ADAMTSL1: variants seen among roughly 807,000 people sequenced by gnomAD.
The protein encoded by ADAMTSL1 is ADAMTS like 1, also known as ADAMTS-like protein 1.
ADAMTSL1 carries 126 observed loss-of-function variants against 201.8 expected under a neutral mutation model. The ratio of observed to expected loss-of-function variants is 0.62; its 90% CI spans 0.54 to 0.72. The LOEUF (loss-of-function observed/expected upper bound fraction) is 0.72, where lower values mean the gene tolerates loss of function less well. Ranked by LOEUF, ADAMTSL1 falls within the 30% of genes least tolerant of loss-of-function variation. The pLI, the probability that ADAMTSL1 is intolerant of heterozygous loss-of-function variation, is 0.00. For missense variants in ADAMTSL1, 2,679 were observed against 2,277.8 expected (o/e 1.18, Z -3.59); for synonymous variants, 1,121 against 903.4 (o/e 1.24, Z -4.32).
chr9:18,736,040 T>C (rs1818485161), intron 15 of ADAMTSL1, among the ~76,000 whole-genome samples: 1 of 152,082 alleles, frequency 6.6e-6, no homozygotes, highest in Non-Finnish European at 1.5e-5. Context: ...GTTTTAAATA[T>C]CATCATGCTG....
chr9:18,513,653 T>C (rs1818176671), intron 2 of ADAMTSL1, among the ~76,000 whole-genome samples: 2 of 152,224 alleles, frequency 1.3e-5, no homozygotes, highest in African/African-American at 2.4e-5. Context: ...ATAGTCCATT[T>C]TGAGTTAATT....
rs140554083 is a variant in ADAMTSL1, at chr9:18,120,663, A to G, written c.88-43199A>G. On this transcript the variant is annotated intron_variant, in intron 1 of 29. Coordinates refer to the ADAMTSL1 transcript ENST00000680146. ...TCATGTGTGTACACACACACAAAAA[A>G]ACACATATAAGAAATGCAGAAATTA... Among the ~76,000 whole-genome samples, 389 of 152,354 alleles carry G rather than the reference A, an allele frequency of 2.6e-3. 2 individuals are homozygous for G. The highest frequency in any genetic ancestry group is 8.8e-3 in the African/African-American group (366 of 41,594).
chr9:17,998,670 G>C (rs1326302670), intron 1 of ADAMTSL1, among the ~76,000 whole-genome samples: 1 of 151,862 alleles, frequency 6.6e-6, no homozygotes, highest in Admixed American at 6.6e-5. Flanking sequence ...AGTAATGAGG[G>C]GGAAAGTCTT....
At chr9:18,209,576 T>G (rs1164932741) in intron 2 of ADAMTSL1, among the ~76,000 whole-genome samples, 7 of 152,200 alleles carry the variant, frequency 4.6e-5, no homozygotes, top group African/African-American at 2.4e-5. Flanking sequence ...TGACTCTAAG[T>G]AAACCACCTG....
intron 2 of ADAMTSL1, among the ~76,000 whole-genome samples, chr9:18,441,190 T>TA (rs2133453537): frequency 7.2e-6 from 1 of 139,198 alleles, no homozygotes; most frequent in Non-Finnish European, 1.7e-5. Context: ...GGGGTTTCTT[T>TA]TGGGGGTAAT....
At chr9:17,908,625 T>G (rs996298094) in intron 1 of ADAMTSL1, among the ~76,000 whole-genome samples, 4 of 151,982 alleles carry the variant, frequency 2.6e-5, no homozygotes, top group Non-Finnish European at 2.9e-5. Flanking sequence ...CCTGGCTAAT[T>G]TTTTGTATTT....
Position 18,693,683 on chromosome 9 carries a change from C to T in ADAMTSL1, c.1574+8883C>T, listed in dbSNP as rs1587915417. Among the ~76,000 whole-genome samples, 3 of 152,170 alleles carry T rather than the reference C, an allele frequency of 2.0e-5. No individual in the cohort carries two copies. In the South Asian group the frequency reaches 6.2e-4, roughly 32 times the overall value. On this transcript the variant is annotated intron_variant, in intron 13 of 28. Coordinates refer to ENST00000380548, the MANE Select transcript of ADAMTSL1 (RefSeq NM_001040272.6). ...ACTCTTATCCTTCTGTTTATCAATC[C>T]ATTTATTTCTTTGAAAAATTATTTA...
chr9:18,506,625 T>G (rs35245238), intron 2 of ADAMTSL1, among the ~76,000 whole-genome samples: 29,478 of 152,122 alleles, frequency 0.19, 3,051 homozygotes, highest in African/African-American at 0.24. Flanking sequence ...CCTAGTAAGT[T>G]AAAGGTCTAG....
At chr9:18,230,600 T>A (rs531204995) in intron 2 of ADAMTSL1, among the ~76,000 whole-genome samples, 1 of 152,076 alleles carries the variant, frequency 6.6e-6, no homozygotes, top group Non-Finnish European at 1.5e-5. Context: ...TACCATGAAA[T>A]CTGCCTTCCT....
At chr9:18,021,284 A>G (rs1037824906) in intron 1 of ADAMTSL1, among the ~76,000 whole-genome samples, 2 of 152,164 alleles carry the variant, frequency 1.3e-5, no homozygotes, top group African/African-American at 2.4e-5. Context: ...TTAACACTTC[A>G]TATTTTCTTC....
chr9:18,388,874 A>C (rs1470560708), intron 2 of ADAMTSL1, among the ~76,000 whole-genome samples: 1 of 151,370 alleles, frequency 6.6e-6, no homozygotes, highest in East Asian at 2.0e-4. Flanking sequence ...ATCCTGCCTT[A>C]GCCTCCTGAG....
At chr9:18,761,004 A>G (rs1465898783) in intron 16 of ADAMTSL1, among the ~76,000 whole-genome samples, 1 of 152,162 alleles carries the variant, frequency 6.6e-6, no homozygotes, top group African/African-American at 2.4e-5. Flanking sequence ...CTTAGTAACC[A>G]TTTTTTATAA....
intron 1 of ADAMTSL1, among the ~76,000 whole-genome samples, chr9:17,999,030 C>A (rs1452461087): frequency 6.6e-6 from 1 of 151,968 alleles, no homozygotes; most frequent in Non-Finnish European, 1.5e-5. Context: ...TTGGGGAAAA[C>A]ATTCTGCCTC....
chr9:18,100,560 G>A (rs199575445), intron 1 of ADAMTSL1, among the ~76,000 whole-genome samples: 2 of 152,156 alleles, frequency 1.3e-5, no homozygotes, highest in East Asian at 3.8e-4. Flanking sequence ...ATAGAAGCTT[G>A]ATTTCTGAAA....
chr9:18,431,454 G>A (rs1340606663), intron 2 of ADAMTSL1, among the ~76,000 whole-genome samples: 1 of 152,132 alleles, frequency 6.6e-6, no homozygotes, highest in Non-Finnish European at 1.5e-5. Flanking sequence ...AATGTTTAAA[G>A]ACCCAGATTT....
intron 1 of ADAMTSL1, among the ~76,000 whole-genome samples, chr9:18,020,623 A>G (rs983512276): frequency 6.6e-6 from 1 of 152,046 alleles, no homozygotes; most frequent in African/African-American, 2.4e-5. Context: ...GACCACCCCC[A>G]TGATCCAGTT....
intron 2 of ADAMTSL1, among the ~76,000 whole-genome samples, chr9:18,237,223 G>T (rs1830883660): frequency 6.6e-6 from 1 of 152,240 alleles, no homozygotes; most frequent in South Asian, 2.1e-4. Flanking sequence ...GTGGGAGATG[G>T]GCCCACCTGG....
chr9:18,886,223 CATATACATACATACAAGT>C (rs902053237), intron 23 of ADAMTSL1, among the ~76,000 whole-genome samples: 2 of 104,562 alleles, frequency 1.9e-5, no homozygotes, highest in African/African-American at 3.3e-5. Flanking sequence ...CACACACATA[CATATACATACATACAAGT>C]ATATACATAC....
intron 2 of ADAMTSL1, among the ~76,000 whole-genome samples, chr9:18,462,210 T>C (rs1820833929): frequency 6.6e-6 from 1 of 152,222 alleles, no homozygotes; most frequent in Non-Finnish European, 1.5e-5. Flanking sequence ...TTGTGTAAAG[T>C]GTTAAAATAG....
Sources: gnomAD v4.1 joint callset for allele counts (sites outside exome capture counted in the v4.1 genomes callset) on GRCh38, gnomAD v4.1.1 for gene constraint, MANE v1.5 for transcripts, NCBI Gene and HGNC (gene_info 2026-07-23, HGNC 2026-07-21) for gene names.